Variants in FAF1 observed in about 807,000 individuals in gnomAD.
FAF1 encodes the protein FAS-associated factor 1.
In FAF1, 25 loss-of-function variants were observed where a neutral mutation model predicts 92.5. The observed-to-expected ratio is 0.27, with a 90% CI of 0.20 to 0.38. The LOEUF (loss-of-function observed/expected upper bound fraction) is 0.38. Ranked by LOEUF, FAF1 falls within the 10% of genes least tolerant of loss-of-function variation. The pLI, the probability that FAF1 is intolerant of heterozygous loss-of-function variation, is 1.00. For missense variants in FAF1, 636 were observed against 793.3 expected, an observed-to-expected ratio of 0.80 and a Z score of 2.38; for synonymous variants, 234 against 273.2, an observed-to-expected ratio of 0.86 and a Z score of 1.42.
intron 15 of FAF1, among the ~76,000 whole-genome samples, chr1:50,519,221 T>C (rs1314344656): frequency 3.3e-5 from 5 of 151,610 alleles, no homozygotes; most frequent in African/African-American, 9.7e-5. Flanking sequence ...TCCCAGCTAC[T>C]TGGGGGGCTG....
chr1:50,888,209 T>C (rs529235078), intron 1 of FAF1, among the ~76,000 whole-genome samples: 1 of 152,342 alleles, frequency 6.6e-6, no homozygotes, highest in Admixed American at 6.5e-5. Flanking sequence ...ATGCTTGTGA[T>C]TTTTGCACAT....
At chr1:50,903,250 T>C (rs1388727637) in intron 1 of FAF1, among the ~76,000 whole-genome samples, 1 of 152,190 alleles carries the variant, frequency 6.6e-6, no homozygotes, top group African/African-American at 2.4e-5. Flanking sequence ...AGCCAAGATA[T>C]TTCATTAACT....
chr1:50,488,490 TAG>T (rs898032025), intron 17 of FAF1, among the ~76,000 whole-genome samples: 7 of 152,106 alleles, frequency 4.6e-5, no homozygotes, highest in Non-Finnish European at 7.4e-5. Context: ...CACACAGAGC[TAG>T]AGAGTGTGTG....
At chr1:50,452,520 T>A (rs550830754) in intron 18 of FAF1, among the ~76,000 whole-genome samples, 2 of 152,280 alleles carry the variant, frequency 1.3e-5, no homozygotes, top group African/African-American at 4.8e-5. Context: ...AGGCTGGGAA[T>A]CACTGAGTTA....
At chr1:50,909,326 C>G (rs1461522242) in intron 1 of FAF1, among the ~76,000 whole-genome samples, 2 of 152,170 alleles carry the variant, frequency 1.3e-5, no homozygotes, top group African/African-American at 4.8e-5. Context: ...TTCATTTCAA[C>G]TTTGGTGAAT....
intron 7 of FAF1, among the ~76,000 whole-genome samples, chr1:50,699,232 C>T (rs907755412): frequency 6.6e-6 from 1 of 152,016 alleles, no homozygotes; most frequent in East Asian, 1.9e-4. Context: ...GTATCCTAAC[C>T]CACATAGTTT....
Position 50,895,630 on chromosome 1 carries a change from G to A in FAF1, c.46-37633C>T, listed in dbSNP as rs112507450. On this transcript the variant is annotated intron_variant, in intron 1 of 18. Coordinates refer to ENST00000396153, the MANE Select transcript of FAF1 (RefSeq NM_007051.3). ...GCCAACATCCCTGATGAACATTGACGCAAAAATCCTTAACAAAATACTAAC... is the reference window on the plus strand; with the variant it reads ...GCCAACATCCCTGATGAACATTGACACAAAAATCCTTAACAAAATACTAAC... 3.0e-3 allele frequency among the ~76,000 whole-genome samples: 461 copies of A among 152,062 alleles called. 4 individuals are homozygous for A. Among genetic ancestry groups the A allele is most frequent in the African/African-American group, 0.01 (432 of 41,478 alleles).
At chr1:50,539,980 CT>C (rs906610286) in intron 13 of FAF1, among the ~76,000 whole-genome samples, 11 of 150,956 alleles carry the variant, frequency 7.3e-5, no homozygotes, top group African/African-American at 2.7e-4. Flanking sequence ...TTTTCTTAGT[CT>C]TTTTTTTTGA....
intron 3 of FAF1, among the ~76,000 whole-genome samples, chr1:50,799,721 CTAACAATT>C (rs1320464115): frequency 2.6e-5 from 4 of 152,090 alleles, no homozygotes; most frequent in African/African-American, 9.7e-5. Context: ...AAGGGATGGA[CTAACAATT>C]TAACAGTCAG....
intron 1 of FAF1, among the ~76,000 whole-genome samples, chr1:50,943,809 G>A (rs1645153037): frequency 6.6e-6 from 1 of 152,212 alleles, no homozygotes; most frequent in Admixed American, 6.5e-5. Context: ...TTTCTAGGAG[G>A]GAGATAAGCT....
chr1:50,929,596 C>T (rs918853061), intron 1 of FAF1, among the ~76,000 whole-genome samples: 2 of 152,148 alleles, frequency 1.3e-5, no homozygotes, highest in Non-Finnish European at 2.9e-5. Context: ...ACATTTAACA[C>T]ATCTTGGGAA....
intron 6 of FAF1, among the ~76,000 whole-genome samples, chr1:50,726,515 T>A (rs1658664151): frequency 6.6e-6 from 1 of 151,600 alleles, no homozygotes; most frequent in Admixed American, 6.6e-5. Context: ...GCTAACACGG[T>A]GAAACCCCGG....
chr1:50,909,212 T>C (rs1644864055), intron 1 of FAF1, among the ~76,000 whole-genome samples: 1 of 152,240 alleles, frequency 6.6e-6, no homozygotes, highest in Non-Finnish European at 1.5e-5. Flanking sequence ...CCCCACTCTC[T>C]TCTGGCTGGT....
At chr1:50,657,157 A>G (rs1250288609) in intron 7 of FAF1, among the ~76,000 whole-genome samples, 2 of 151,882 alleles carry the variant, frequency 1.3e-5, no homozygotes, top group Non-Finnish European at 2.9e-5. Context: ...GGATACAGTG[A>G]GCCATGATCA....
Position 50,795,957 on chromosome 1 carries a change from G to T in FAF1, c.161+5674C>A, listed in dbSNP as rs74080080. The stretch of plus-strand genomic sequence containing the variant: ...AGATTTTCTGGGGCATGTCTAGTAA[G>T]AATGGAAAATTACAACTAATCAAAA... On this transcript the variant is annotated intron_variant, in intron 3 of 18. Transcript: ENST00000396153. Among the ~76,000 whole-genome samples the T allele has an allele frequency of 8.0e-3, 1,216 of 151,928 alleles. 14 individuals carry two copies. Among genetic ancestry groups the T allele is most frequent in the African/African-American group, 0.028 (1,175 of 41,448 alleles).
chr1:50,597,473 A>T (rs1035652210), intron 8 of FAF1, among the ~76,000 whole-genome samples: 1 of 152,144 alleles, frequency 6.6e-6, no homozygotes, highest in African/African-American at 2.4e-5. Flanking sequence ...GAATTTGAAT[A>T]AATATCATGA....
At chr1:50,789,307 G>A (rs982491100) in intron 3 of FAF1, among the ~76,000 whole-genome samples, 3 of 152,080 alleles carry the variant, frequency 2.0e-5, no homozygotes, top group Admixed American at 6.6e-5. Context: ...TAGCTGTCCC[G>A]TTTGTAAAAT....
intron 2 of FAF1, among the ~76,000 whole-genome samples, chr1:50,849,279 A>C (rs924946694): frequency 6.6e-6 from 1 of 151,990 alleles, no homozygotes; most frequent in Non-Finnish European, 1.5e-5. Context: ...AAAAAAAAAA[A>C]AGAAAAAAGA....
chr1:50,760,930 T>C (rs528020709), intron 4 of FAF1, among the ~76,000 whole-genome samples: 214 of 152,102 alleles, frequency 1.4e-3, no homozygotes, highest in African/African-American at 4.9e-3. Flanking sequence ...ACAAAATTGA[T>C]AGACCGCTAG....
Sources: allele counts gnomAD v4.1 joint callset (sites outside exome capture counted in the v4.1 genomes callset), GRCh38; gene constraint gnomAD v4.1.1; transcripts MANE v1.5; gene names NCBI Gene and HGNC (gene_info 2026-07-23, HGNC 2026-07-21).